Variants in EPHB3 observed in about 807,000 individuals in gnomAD.
EPHB3 encodes ephrin type-B receptor 3.
A neutral mutation model predicts 100.2 loss-of-function variants in EPHB3; 33 were observed. The observed-to-expected ratio is 0.33, with a 90% CI of 0.25 to 0.44. The LOEUF (loss-of-function observed/expected upper bound fraction) is 0.44, where lower values mean the gene tolerates loss of function less well. EPHB3 is among the 20% of genes least tolerant of loss of function. The pLI, the probability that EPHB3 is intolerant of heterozygous loss-of-function variation, is 1.00. For synonymous variants in EPHB3, 526 were observed against 554.7 expected (o/e 0.95, Z 0.73); for missense variants, 1,045 against 1,378.3 (o/e 0.76, Z 3.83).
In EPHB3 at chr3:184,571,288, C is replaced by T. The variant is rs1003074901; in HGVS notation, c.119-30C>T. Reference sequence around the variant, plus strand: ...TCTGTCTCCTCAACCTGAGATTAGTCCCTGACCTTTTTCTCCGTTGTTCCT... The same window carrying T: ...TCTGTCTCCTCAACCTGAGATTAGTTCCTGACCTTTTTCTCCGTTGTTCCT... On this transcript the variant is annotated intron_variant, in intron 1 of 15. Transcript: ENST00000330394. The surrounding 1 kb of genome is among the most constrained non-coding windows in gnomAD (Gnocchi z 5.0). 6.2e-7 allele frequency: 1 copy of T among 1,612,804 alleles called. No individual in the cohort carries two copies.
chr3:184,564,998 C>T (rs1225128628), intron 1 of EPHB3, among the ~76,000 whole-genome samples: 4 of 151,960 alleles, frequency 2.6e-5, no homozygotes, highest in Admixed American at 2.6e-4. Context: ...TTATTTTGGC[C>T]CAGGGTCCCT....
rs566650739 is a variant in EPHB3, at chr3:184,579,988, A to G, written c.2172+54A>G. On this transcript the variant is annotated intron_variant, in intron 11 of 15. Coordinates refer to ENST00000330394, the MANE Select transcript of EPHB3 (RefSeq NM_004443.4). The surrounding 1 kb of genome is among the most constrained non-coding windows in gnomAD (Gnocchi z 5.2). ...TCCCCCAGAGAGTTGGATTGGGCTC[A>G]CCATCCCCTCCCACAAGTCAGACAG... 39 of 1,574,930 alleles carry G rather than the reference A, an allele frequency of 2.5e-5. No homozygotes were observed. Among genetic ancestry groups the G allele is most frequent in the Middle Eastern group, 3.8e-4 (2 of 5,234 alleles).
Position 184,577,422 on chromosome 3 carries a change from G to T in EPHB3, c.1434G>T (p.Arg478=), listed in dbSNP as rs140440125. ...SLTLSWAPPE[R]PNGVILDYEM... is the part of the protein sequence containing the mutation. ...CCCTATCCTGGGCACCCCCAGAGCG[G>T]CCCAACGGAGTCATCCTGGACTACG... The change falls in exon 6 of 16, where the codon CGG becomes CGT. Residue 478 remains arginine (R), a synonymous_variant. Coordinates refer to ENST00000330394, the MANE Select transcript of EPHB3 (RefSeq NM_004443.4). This position sits in a 1 kb window ranked among gnomAD's most constrained non-coding sequence, Gnocchi z 4.9. 41 of 1,613,928 alleles carry T rather than the reference G, an allele frequency of 2.5e-5. No individual in the cohort carries two copies. The highest frequency in any genetic ancestry group is 3.1e-5 in the Non-Finnish European group (37 of 1,180,024).
At position 184,569,010 on chromosome 3, in the gene EPHB3, G is replaced by A. The variant is rs1714469357; in HGVS notation, c.119-2308G>A. Among the ~76,000 whole-genome samples the A allele has an allele frequency of 6.6e-6, 1 of 151,918 alleles. No homozygotes were observed. Among genetic ancestry groups the A allele is most frequent in the African/African-American group, 2.4e-5 (1 of 41,408 alleles). ...CCCCTCCCTCCGCTCCCTCCTCCCG[G>A]AGCCAGCGCAGGGCTTGTTTTAAAC... On this transcript the variant is annotated intron_variant, in intron 1 of 15. Transcript: ENST00000330394. This position sits in a 1 kb window ranked among gnomAD's most constrained non-coding sequence, Gnocchi z 5.4.
intron 11 of EPHB3, 81 bp from the exon 12 acceptor site, chr3:184,580,306 GAGGTAGAGTCTGAGT>G: frequency 6.7e-7 from 1 of 1,489,420 alleles, no homozygotes. Context: ...CAGGAGAGAC[GAGGTAGAGTCTGAGT>G]ACTCGGAGAG....
rs1232676122 is a variant in EPHB3, at chr3:184,577,909, CAGCAGCTCCAGG to C, written c.1659_1670del (p.Gln554_Leu557del). 2 of 1,613,832 alleles carry C rather than the reference CAGCAGCTCCAGG, an allele frequency of 1.2e-6. No homozygotes were observed. The highest frequency in any genetic ancestry group is 2.2e-5 in the East Asian group (1 of 44,858). On this transcript the variant is annotated inframe_deletion, in exon 8 of 16. Coordinates refer to ENST00000330394, the MANE Select transcript of EPHB3 (RefSeq NM_004443.4). The surrounding 1 kb of genome is among the most constrained non-coding windows in gnomAD (Gnocchi z 4.9). Reference sequence around the variant, plus strand: ...TTCTCTATCTCCAGGCTCTGGGGCCCAGCAGCTCCAGGAGCAGCTTCCCCTCATCGTGGGCTC... The same window carrying C: ...TTCTCTATCTCCAGGCTCTGGGGCCCAGCAGCTTCCCCTCATCGTGGGCTC...
In EPHB3 at chr3:184,576,823, C is replaced by A; in HGVS notation, c.1013-19C>A. ...TAGAGCCCCCAGCTCACTACCTTCT[C>A]CCTCCATATTCCTCACAGCCGTGCC... is the stretch of plus-strand genomic sequence containing the variant. On this transcript the variant is annotated intron_variant, in intron 4 of 15. Coordinates refer to ENST00000330394, the MANE Select transcript of EPHB3 (RefSeq NM_004443.4). 6.6e-7 allele frequency: 1 copy of A among 1,523,858 alleles called. No homozygotes were observed. The highest frequency in any genetic ancestry group is 1.8e-4 in the Middle Eastern group (1 of 5,610). 94.4% of individuals were successfully genotyped at this position (1,523,858 alleles called of 1,614,324 possible). A position where few individuals can be genotyped will look rare whatever the true frequency, so the allele number is the denominator to read the frequency against.
Position 184,577,661 on chromosome 3 carries a change from G to A in EPHB3, c.1483G>A (p.Glu495Lys), listed in dbSNP as rs531602325. ...DYEMKYFEKS[E>K]GIASTVTSQM... ...CCCCTCTCTCCTGGCATTGCAGAGC[G>A]AGGGCATCGCCTCCACAGTGACCAG... Residue 495 changes from glutamate to lysine, a missense_variant, in exon 7 of 16, where the codon GAG (glutamate) becomes AAG (lysine). By Grantham distance (56) the Glu-to-Lys change is moderately conservative. This residue lies in a region of EPHB3 where 985 missense variants were observed against 1,331.1 expected (regional missense o/e 0.74). Coordinates refer to ENST00000330394, the MANE Select transcript of EPHB3 (RefSeq NM_004443.4). This position sits in a 1 kb window ranked among gnomAD's most constrained non-coding sequence, Gnocchi z 4.9. The A allele has an allele frequency of 8.8e-6, 14 of 1,595,232 alleles. No individual in the cohort carries two copies. The highest frequency in any genetic ancestry group is 1.7e-4 in the Middle Eastern group (1 of 5,938).
chr3:184,579,546 T>C lies in EPHB3; in HGVS notation c.1871T>C (p.Phe624Ser). 7 of 1,613,888 alleles carry C rather than the reference T, an allele frequency of 4.3e-6. No homozygotes were observed. The highest frequency in any genetic ancestry group is 5.9e-6 in the Non-Finnish European group (7 of 1,179,954). ...GACCCTAATGAGGCTGTTCGGGAGT[T>C]TGCCAAGGAGATCGACGTGTCCTGC... ...YEDPNEAVRE[F>S]AKEIDVSCVK... The change falls in exon 10 of 16, where the codon TTT becomes TCT. Residue 624 changes from phenylalanine (F) to serine (S), a missense_variant. By Grantham distance (155) the Phe-to-Ser change is radical (BLOSUM62 -2). This residue lies in a region of EPHB3 where 985 missense variants were observed against 1,331.1 expected (regional missense o/e 0.74). Transcript: ENST00000330394. This position sits in a 1 kb window ranked among gnomAD's most constrained non-coding sequence, Gnocchi z 5.2.
At position 184,573,112 on chromosome 3, in the gene EPHB3, G is replaced by C. The variant is rs1432920248; in HGVS notation, c.792G>C (p.Val264=). 3.1e-6 allele frequency: 5 copies of C among 1,612,844 alleles called. No individual in the cohort carries two copies. The highest frequency in any genetic ancestry group is 4.2e-6 in the Non-Finnish European group (5 of 1,180,028). Residue 264 remains valine, a synonymous_variant, in exon 3 of 16, where the codon GTG becomes GTC. Coordinates refer to ENST00000330394, the MANE Select transcript of EPHB3 (RefSeq NM_004443.4). The surrounding 1 kb of genome is among the most constrained non-coding windows in gnomAD (Gnocchi z 4.5). ...LYCNGDGEWM[V]PVGACTCATG... ...GCAACGGCGATGGGGAGTGGATGGT[G>C]CCTGTGGGTGCCTGCACCTGTGCCA... is the stretch of plus-strand genomic sequence containing the variant.
rs773830998 is a variant in EPHB3 at position 184,575,816 on chromosome 3, C to G, written c.857-14C>G. The G allele has an allele frequency of 5.7e-6, 9 of 1,582,750 alleles. No individual in the cohort carries two copies. In the African/African-American group the frequency reaches 9.4e-5, roughly 17 times the overall value. ...AAGGGAGGTGAGCCCCATTCATCCTCTTCTCTCCCACAGCCTGTCCCCCTG... is the reference window on the plus strand; with the variant it reads ...AAGGGAGGTGAGCCCCATTCATCCTGTTCTCTCCCACAGCCTGTCCCCCTG... On this transcript the variant is annotated splice_polypyrimidine_tract_variant and intron_variant, in intron 3 of 15. Transcript: ENST00000330394.
At chr3:184,566,471 G>A (rs1356019136) in intron 1 of EPHB3, among the ~76,000 whole-genome samples, 1 of 152,224 alleles carries the variant, frequency 6.6e-6, no homozygotes, top group African/African-American at 2.4e-5. Context: ...CCCTGGGTGA[G>A]TTAGGCTCCC....
Position 184,565,851 on chromosome 3 carries a change from C to T in EPHB3, c.118+3498C>T, listed in dbSNP as rs149415815. ...GCTGCTGCTGCCACTGCAGCTTCAGCGGCTGCTGCGAGCTGAAGCCGAAGC... is the reference window on the plus strand; with the variant it reads ...GCTGCTGCTGCCACTGCAGCTTCAGTGGCTGCTGCGAGCTGAAGCCGAAGC... On this transcript the variant is annotated intron_variant, in intron 1 of 15. Transcript: ENST00000330394. The surrounding 1 kb of genome is among the most constrained non-coding windows in gnomAD (Gnocchi z 4.8). Among the ~76,000 whole-genome samples, 6 of 152,250 alleles carry T rather than the reference C, an allele frequency of 3.9e-5. No homozygotes were observed. Among genetic ancestry groups the T allele is most frequent in the African/African-American group, 1.4e-4 (6 of 41,468 alleles).
intron 11 of EPHB3, 44 bp from the exon 12 acceptor site, chr3:184,580,357 CT>C (rs1714788255): frequency 1.9e-6 from 3 of 1,611,884 alleles, no homozygotes; most frequent in Non-Finnish European, 2.5e-6. Context: ...AGGCCATGGG[CT>C]GATGGGAGCA....
In EPHB3 at chr3:184,572,488, A is replaced by C; in HGVS notation, c.184-16A>C. The C allele has an allele frequency of 6.5e-7, 1 of 1,538,598 alleles. No individual in the cohort carries two copies. Among genetic ancestry groups the C allele is most frequent in the Non-Finnish European group, 8.7e-7 (1 of 1,150,136 alleles). On this transcript the variant is annotated splice_polypyrimidine_tract_variant and intron_variant, in intron 2 of 15. Coordinates refer to ENST00000330394, the MANE Select transcript of EPHB3 (RefSeq NM_004443.4). This position sits in a 1 kb window ranked among gnomAD's most constrained non-coding sequence, Gnocchi z 6.6. ...TGCAGGCATTCACTCTGTCTTTTTC[A>C]TTGGTCCATGCACAGTGGGAAGAGG...
At position 184,562,493 on chromosome 3, in the gene EPHB3, G is replaced by T. The variant is rs1714282402; in HGVS notation, c.118+140G>T. On this transcript the variant is annotated intron_variant, in intron 1 of 15. Coordinates refer to ENST00000330394, the MANE Select transcript of EPHB3 (RefSeq NM_004443.4). This position sits in a 1 kb window ranked among gnomAD's most constrained non-coding sequence, Gnocchi z 4.8. ...GGCGCCCGCTCCGGGGCCCAGGGAT[G>T]GGGTGGGGAGGCCGCCCCTGGAGCC... is the stretch of plus-strand genomic sequence containing the variant. The T allele has an allele frequency of 9.0e-7, 1 of 1,116,140 alleles. No individual in the cohort carries two copies. The highest frequency in any genetic ancestry group is 1.1e-6 in the Non-Finnish European group (1 of 907,388). The allele number at this position is 1,116,140 out of a possible 1,614,324, so 69.1% of individuals were successfully genotyped here.
chr3:184,581,688 C>A lies in EPHB3; in HGVS notation c.*66C>A. On this transcript the variant is annotated 3_prime_UTR_variant, in exon 16 of 16. Transcript: ENST00000330394. ...CCAAGCAGCCGGCTGGACTTTCGGA[C>A]TCTTGGACTTTTGGATGCCTGGCCT... 7.0e-7 allele frequency: 1 copy of A among 1,434,638 alleles called. No homozygotes were observed. Among genetic ancestry groups the A allele is most frequent in the South Asian group, 1.4e-5 (1 of 70,354 alleles). The allele number at this position is 1,434,638 out of a possible 1,614,324, so 88.9% of individuals were successfully genotyped here. A position where few individuals can be genotyped will look rare whatever the true frequency, so the allele number is the denominator to read the frequency against.
In EPHB3 at chr3:184,572,280, C is replaced by T. The variant is rs1714559131; in HGVS notation, c.184-224C>T. The stretch of plus-strand genomic sequence containing the variant: ...ATTATTCCTTACACATCTTTATTAT[C>T]CCCATGTTACAGATGGGGAAACTGA... On this transcript the variant is annotated intron_variant, in intron 2 of 15. Coordinates refer to ENST00000330394, the MANE Select transcript of EPHB3 (RefSeq NM_004443.4). This position sits in a 1 kb window ranked among gnomAD's most constrained non-coding sequence, Gnocchi z 6.6. Among the ~76,000 whole-genome samples, 1 of 152,192 alleles carries T rather than the reference C, an allele frequency of 6.6e-6. No individual in the cohort carries two copies. Among genetic ancestry groups the T allele is most frequent in the South Asian group, 2.1e-4 (1 of 4,830 alleles).
In EPHB3 at chr3:184,572,806, C is replaced by G. The variant is rs756886601; in HGVS notation, c.486C>G (p.Pro162=). 1.3e-6 allele frequency: 2 copies of G among 1,585,624 alleles called. No homozygotes were observed. The highest frequency in any genetic ancestry group is 1.8e-5 in the Admixed American group (1 of 54,726). ...NPYVKVDTIA[P]DESFSRLDAG... is the part of the protein sequence containing the mutation. ...ACGTGAAAGTGGACACCATTGCACCCGATGAGAGCTTCTCGCGGCTGGATG... is the reference window on the plus strand; with the variant it reads ...ACGTGAAAGTGGACACCATTGCACCGGATGAGAGCTTCTCGCGGCTGGATG... The change falls in exon 3 of 16, where the codon CCC becomes CCG. Residue 162 remains proline, a synonymous_variant. Transcript: ENST00000330394. The surrounding 1 kb of genome is among the most constrained non-coding windows in gnomAD (Gnocchi z 6.6).
Sources: gnomAD v4.1 joint callset for allele counts (sites outside exome capture counted in the v4.1 genomes callset) on GRCh38, gnomAD v4.1.1 for gene constraint, gnomAD v4.1.1 regional missense constraint, Gnocchi (gnomAD v3.1) non-coding constraint, MANE v1.5 for transcripts, NCBI Gene and HGNC (gene_info 2026-07-23, HGNC 2026-07-21) for gene names.